GRM7: variants seen among roughly 807,000 people sequenced by gnomAD.
The protein encoded by GRM7 is metabotropic glutamate receptor 7.
In GRM7, 35 loss-of-function variants were observed where a neutral mutation model predicts 84.5. The ratio of observed to expected loss-of-function variants is 0.41; its 90% confidence interval spans 0.32 to 0.55. The LOEUF is 0.55. Ranked by LOEUF, GRM7 falls within the 20% of genes least tolerant of loss-of-function variation. GRM7 has a pLI of 0.19. For missense variants in GRM7, 1,003 were observed against 1,194.6 expected, an observed-to-expected ratio of 0.84 and a Z score of 2.36; for synonymous variants, 487 against 455.1, an observed-to-expected ratio of 1.07 and a Z score of -0.89.
intron 1 of GRM7, among the ~76,000 whole-genome samples, chr3:7,013,376 C>G (rs62236596): frequency 0.19 from 28,793 of 151,990 alleles, 2,826 homozygotes; most frequent in East Asian, 0.31. Flanking sequence ...CTGTCTCACT[C>G]CTCCCCTCTG....
intron 4 of GRM7, among the ~76,000 whole-genome samples, chr3:7,307,875 G>A (rs1700247752): frequency 6.6e-6 from 1 of 152,184 alleles, no homozygotes; most frequent in South Asian, 2.1e-4. Context: ...CACCCTCAAA[G>A]CATACAGAGC....
Position 7,334,365 on chromosome 3 carries a change from C to T in GRM7, c.1033+27713C>T, listed in dbSNP as rs180679545. On this transcript the variant is annotated intron_variant, in intron 4 of 9. Transcript: ENST00000357716. Reference sequence around the variant, plus strand: ...ACAAACAAATGCTGAAAGATTTTGCCTGCTACCAAGCCAGCCCTACAAGAT... The same window carrying T: ...ACAAACAAATGCTGAAAGATTTTGCTTGCTACCAAGCCAGCCCTACAAGAT... 1.6e-4 allele frequency among the ~76,000 whole-genome samples: 25 copies of T among 152,104 alleles called. 1 individual carries two copies. The East Asian group carries it at 4.6e-3, about 28-fold the overall frequency.
At chr3:7,582,807 C>T (rs1314868932) in intron 8 of GRM7, among the ~76,000 whole-genome samples, 1 of 152,118 alleles carries the variant, frequency 6.6e-6, no homozygotes, top group African/African-American at 2.4e-5. Context: ...TGGTCACCCC[C>T]TGAGGAATTT....
chr3:7,094,826 A>G (rs996804676), intron 1 of GRM7, among the ~76,000 whole-genome samples: 4 of 152,220 alleles, frequency 2.6e-5, no homozygotes, highest in African/African-American at 7.2e-5. Flanking sequence ...ATCACTTAGC[A>G]TATAGCCTAG....
intron 1 of GRM7, among the ~76,000 whole-genome samples, chr3:7,011,014 A>C (rs182087301): frequency 6.6e-6 from 1 of 152,332 alleles, no homozygotes; most frequent in Non-Finnish European, 1.5e-5. Context: ...CAGTGGATCC[A>C]GGCCAAGACA....
rs954431652 is a variant in GRM7 at position 7,608,030 on chromosome 3, A to G, written c.2451+28673A>G. The stretch of plus-strand genomic sequence containing the variant: ...CAGTTTGCTAAGGATAACAGCCTCC[A>G]GCTCCATCTATGTTCCTGCAAAAGA... On this transcript the variant is annotated intron_variant, in intron 8 of 9. Coordinates refer to ENST00000357716, the MANE Select transcript of GRM7 (RefSeq NM_000844.4). 18 of 358,428 alleles carry G rather than the reference A, an allele frequency of 5.0e-5. No individual in the cohort carries two copies. In the Admixed American group the frequency reaches 5.1e-4, roughly 10 times the overall value. 22.2% of individuals were successfully genotyped at this position (358,428 alleles called of 1,614,324 possible). A position where few individuals can be genotyped will look rare whatever the true frequency, so the allele number is the denominator to read the frequency against.
intron 3 of GRM7, among the ~76,000 whole-genome samples, chr3:7,300,846 C>G (rs1699974125): frequency 6.6e-6 from 1 of 151,940 alleles, no homozygotes; most frequent in Admixed American, 6.6e-5. Flanking sequence ...GTATTCTTCA[C>G]TAGTTCGTAA....
At chr3:7,070,879 T>G (rs1384104259) in intron 1 of GRM7, among the ~76,000 whole-genome samples, 1 of 152,176 alleles carries the variant, frequency 6.6e-6, no homozygotes, top group Non-Finnish European at 1.5e-5. Context: ...AGTTCTACTC[T>G]ATCAGCTGGC....
intron 8 of GRM7, among the ~76,000 whole-genome samples, chr3:7,650,615 A>G (rs1186031522): frequency 6.6e-6 from 1 of 152,250 alleles, no homozygotes; most frequent in Non-Finnish European, 1.5e-5. Context: ...ATTGATTACA[A>G]TAGCACTATG....
At chr3:7,327,716 C>T (rs1269696015) in intron 4 of GRM7, among the ~76,000 whole-genome samples, 2 of 152,172 alleles carry the variant, frequency 1.3e-5, no homozygotes. Flanking sequence ...AAGATATAAA[C>T]ATTCCTGAGC....
chr3:7,619,036 C>G (rs528098636), intron 8 of GRM7, among the ~76,000 whole-genome samples: 1 of 152,072 alleles, frequency 6.6e-6, no homozygotes, highest in African/African-American at 2.4e-5. Flanking sequence ...CTTTGACCAT[C>G]ATGCTAGAGA....
At chr3:7,099,316 C>A (rs1357864575) in intron 1 of GRM7, among the ~76,000 whole-genome samples, 17 of 142,124 alleles carry the variant, frequency 1.2e-4, no homozygotes, top group African/African-American at 4.2e-4. Context: ...ATGTATTATA[C>A]ATGTATATAT....
intron 7 of GRM7, among the ~76,000 whole-genome samples, chr3:7,502,596 GCA>G (rs1188938333): frequency 3.3e-5 from 5 of 152,242 alleles, no homozygotes; most frequent in African/African-American, 1.2e-4. Flanking sequence ...GTGTGTGTGT[GCA>G]CACACACGCA....
At position 7,486,961 on chromosome 3, in the gene GRM7, G is replaced by C. The variant is rs1197297844; in HGVS notation, c.1515+25239G>C. Among the ~76,000 whole-genome samples the C allele has an allele frequency of 6.6e-6, 1 of 152,174 alleles. No individual in the cohort carries two copies. The highest frequency in any genetic ancestry group is 1.5e-5 in the Non-Finnish European group (1 of 68,024). On this transcript the variant is annotated intron_variant, in intron 7 of 9. Transcript: ENST00000357716. The surrounding 1 kb of genome is among the most constrained non-coding windows in gnomAD (Gnocchi z 5.5). Reference sequence around the variant, plus strand: ...AAAGTTTGGAACTTCTTAGAGATTAGTTAAGTTGTGGTGACTGAAATGTAG... The same window carrying C: ...AAAGTTTGGAACTTCTTAGAGATTACTTAAGTTGTGGTGACTGAAATGTAG...
At chr3:7,408,036 A>G (rs1019216569) in intron 4 of GRM7, among the ~76,000 whole-genome samples, 4 of 152,178 alleles carry the variant, frequency 2.6e-5, no homozygotes, top group Non-Finnish European at 4.4e-5. Flanking sequence ...CTATATTATC[A>G]TCGTCCCCAT....
chr3:7,244,037 G>A (rs1697663229), intron 2 of GRM7, among the ~76,000 whole-genome samples: 2 of 152,122 alleles, frequency 1.3e-5, no homozygotes, highest in Non-Finnish European at 2.9e-5. Flanking sequence ...GTCAGTGAGT[G>A]AGTGGTGAGT....
chr3:7,371,685 C>G (rs1184481670), intron 4 of GRM7, among the ~76,000 whole-genome samples: 1 of 152,090 alleles, frequency 6.6e-6, no homozygotes, highest in Non-Finnish European at 1.5e-5. Flanking sequence ...TCTCTGACAC[C>G]CCCTTTCTCC....
chr3:7,420,766 A>G (rs1036994788), intron 5 of GRM7, among the ~76,000 whole-genome samples: 1 of 152,172 alleles, frequency 6.6e-6, no homozygotes, highest in African/African-American at 2.4e-5. Flanking sequence ...TTTATTTAAA[A>G]ATGAATGTTA....
At chr3:7,021,435 C>T (rs1347771375) in intron 1 of GRM7, among the ~76,000 whole-genome samples, 2 of 152,178 alleles carry the variant, frequency 1.3e-5, no homozygotes, top group South Asian at 2.1e-4. Flanking sequence ...TTTGAGGGAT[C>T]GAAGTGCTTT....
Sources: allele counts gnomAD v4.1 joint callset (sites outside exome capture counted in the v4.1 genomes callset), GRCh38; gene constraint gnomAD v4.1.1; non-coding constraint Gnocchi (gnomAD v3.1); transcripts MANE v1.5; gene names NCBI Gene and HGNC (gene_info 2026-07-23, HGNC 2026-07-21).